KAZN: variants seen among roughly 807,000 people sequenced by gnomAD.
KAZN encodes kazrin.
In KAZN, 40 loss-of-function variants were observed where a neutral mutation model predicts 87.4. That is an observed-to-expected ratio of 0.46 (90% CI 0.36 to 0.60). The LOEUF (loss-of-function observed/expected upper bound fraction) is 0.60, where lower values mean the gene tolerates loss of function less well. KAZN is among the 20% of genes least tolerant of loss of function. KAZN has a pLI of 0.00. For missense variants in KAZN, 898 were observed against 1,073.9 expected, an observed-to-expected ratio of 0.84 and a Z score of 2.29; for synonymous variants, 466 against 458.3, an observed-to-expected ratio of 1.02 and a Z score of -0.22.
chr1:14,408,940 A>G (rs1052137268), intron 2 of KAZN, among the ~76,000 whole-genome samples: 2 of 152,180 alleles, frequency 1.3e-5, no homozygotes, highest in Admixed American at 6.5e-5. Flanking sequence ...AGATGGGGTC[A>G]GGAAGGATCT....
chr1:14,459,597 A>G (rs1667752191), intron 2 of KAZN, among the ~76,000 whole-genome samples: 2 of 152,156 alleles, frequency 1.3e-5, no homozygotes, highest in African/African-American at 4.8e-5. Context: ...AAAGCATGCC[A>G]CAACCAATTA....
At chr1:14,689,382 T>C (rs1053601121) in intron 1 of KAZN, among the ~76,000 whole-genome samples, 1 of 152,116 alleles carries the variant, frequency 6.6e-6, no homozygotes, top group African/African-American at 2.4e-5. Context: ...TTTCTCCCAT[T>C]CGCTCCTGAT....
rs139193551 is a variant in KAZN, at chr1:14,616,390, C to T, written c.226+17167C>T. Among the ~76,000 whole-genome samples the T allele has an allele frequency of 5.5e-4, 83 of 151,752 alleles. No homozygotes were observed. The East Asian group carries it at 0.014, about 26-fold the overall frequency. Reference sequence around the variant, plus strand: ...CAAATAACTTAAATTCTGAAACAGACAAGCTGGAAACAGAGGAGTCCTCTG... The same window carrying T: ...CAAATAACTTAAATTCTGAAACAGATAAGCTGGAAACAGAGGAGTCCTCTG... On this transcript the variant is annotated intron_variant, in intron 1 of 14. Coordinates refer to ENST00000376030, the MANE Select transcript of KAZN (RefSeq NM_201628.3).
At chr1:14,430,638 T>A (rs898157145) in intron 2 of KAZN, among the ~76,000 whole-genome samples, 2 of 152,112 alleles carry the variant, frequency 1.3e-5, no homozygotes, top group African/African-American at 4.8e-5. Context: ...TATAGCTGGG[T>A]TGAGAAGACA....
chr1:14,873,020 A>G (rs546609770), intron 1 of KAZN, among the ~76,000 whole-genome samples: 45 of 151,392 alleles, frequency 3.0e-4, no homozygotes, highest in African/African-American at 1.0e-3. Context: ...GGATGGATGG[A>G]TGGGTGGGTG....
chr1:14,061,239 C>T (rs1187342727), intron 1 of KAZN, among the ~76,000 whole-genome samples: 1 of 152,046 alleles, frequency 6.6e-6, no homozygotes, highest in Non-Finnish European at 1.5e-5. Context: ...AGGAGAGACC[C>T]CTATGTCACC....
chr1:15,086,115 C>T (rs1257014174), intron 8 of KAZN, among the ~76,000 whole-genome samples: 1 of 152,066 alleles, frequency 6.6e-6, no homozygotes, highest in East Asian at 1.9e-4. Context: ...GGATTACAGG[C>T]GCCCCCGACC....
At chr1:14,070,785 C>G (rs555771583) in intron 1 of KAZN, among the ~76,000 whole-genome samples, 35 of 152,256 alleles carry the variant, frequency 2.3e-4, no homozygotes, top group African/African-American at 8.4e-4. Context: ...ACAATGCCAA[C>G]AGCTAAATGT....
chr1:14,659,386 A>G (rs1639011162), intron 1 of KAZN, among the ~76,000 whole-genome samples: 1 of 152,130 alleles, frequency 6.6e-6, no homozygotes, highest in African/African-American at 2.4e-5. Flanking sequence ...AATGAAATCT[A>G]GGACACTCTG....
intron 2 of KAZN, among the ~76,000 whole-genome samples, chr1:14,417,840 G>A (rs959415082): frequency 2.0e-5 from 3 of 150,632 alleles, no homozygotes; most frequent in African/African-American, 7.3e-5. Context: ...ACTAAAAATA[G>A]AAAAAATTAG....
chr1:14,236,793 A>T (rs757120401), intron 2 of KAZN, among the ~76,000 whole-genome samples: 4 of 151,982 alleles, frequency 2.6e-5, no homozygotes, highest in Non-Finnish European at 4.4e-5. Context: ...GTGTGGTGGT[A>T]TGCACCTGTA....
chr1:14,887,705 G>A (rs1212229790), intron 1 of KAZN, among the ~76,000 whole-genome samples: 3 of 148,092 alleles, frequency 2.0e-5, no homozygotes, highest in Admixed American at 6.8e-5. Context: ...CCAGGGAACC[G>A]GAGAAGGGAT....
At chr1:14,657,169 G>A (rs1046233744) in intron 1 of KAZN, among the ~76,000 whole-genome samples, 53 of 135,256 alleles carry the variant, frequency 3.9e-4, no homozygotes, top group African/African-American at 1.2e-3. Context: ...TGCAACCTCC[G>A]CCTCCTGGGT....
At chr1:14,025,779 G>A (rs1304301345) in intron 1 of KAZN, among the ~76,000 whole-genome samples, 1 of 151,988 alleles carries the variant, frequency 6.6e-6, no homozygotes, top group Admixed American at 6.6e-5. Flanking sequence ...ATGGGTAATG[G>A]CTACCATATT....
chr1:14,861,704 A>T (rs1421421803), intron 1 of KAZN, among the ~76,000 whole-genome samples: 1 of 152,120 alleles, frequency 6.6e-6, no homozygotes, highest in Non-Finnish European at 1.5e-5. Flanking sequence ...GGCCACACTG[A>T]TTGATGCAAG....
chr1:14,835,310 G>C (rs377322771), intron 1 of KAZN, among the ~76,000 whole-genome samples: 147 of 152,326 alleles, frequency 9.7e-4, no homozygotes, highest in African/African-American at 3.5e-3. Flanking sequence ...AAAATTGGCT[G>C]TAAAGTTTCA....
chr1:14,688,269 C>T (rs760913183), intron 1 of KAZN, among the ~76,000 whole-genome samples: 1 of 152,188 alleles, frequency 6.6e-6, no homozygotes, highest in Non-Finnish European at 1.5e-5. Context: ...CCAGCTGTGA[C>T]TGTGGGCACT....
At chr1:14,355,294 A>C (rs1658913887) in intron 2 of KAZN, among the ~76,000 whole-genome samples, 1 of 152,186 alleles carries the variant, frequency 6.6e-6, no homozygotes, top group African/African-American at 2.4e-5. Context: ...CTATGTGCTT[A>C]AGATCTATGC....
intron 2 of KAZN, among the ~76,000 whole-genome samples, chr1:14,294,633 A>C (rs1324045349): frequency 6.9e-6 from 1 of 145,874 alleles, no homozygotes; most frequent in Non-Finnish European, 1.5e-5. Context: ...CAGAAGTATA[A>C]AACCTGAGCC....
Sources: allele counts gnomAD v4.1 joint callset (sites outside exome capture counted in the v4.1 genomes callset), GRCh38; gene constraint gnomAD v4.1.1; transcripts MANE v1.5; gene names NCBI Gene and HGNC (gene_info 2026-07-23, HGNC 2026-07-21).